Variants in SERPINB7 observed in about 807,000 individuals in gnomAD.
The protein encoded by SERPINB7 is serpin B7.
In SERPINB7, 31 loss-of-function variants were observed where a neutral mutation model predicts 37.4. The observed-to-expected ratio is 0.83, with a 90% CI of 0.62 to 1.12. The LOEUF (loss-of-function observed/expected upper bound fraction) is 1.12, where lower values mean the gene tolerates loss of function less well. Among genes scored for constraint, SERPINB7 ranks in the 50% most tolerant of loss-of-function variants. SERPINB7 has a pLI of 0.00. For missense variants in SERPINB7, 521 were observed against 455.3 expected (o/e 1.14, Z -1.31); for synonymous variants, 163 against 166.1 (o/e 0.98, Z 0.14).
upstream of SERPINB7, among the ~76,000 whole-genome samples, chr18:63,772,420 C>T (rs1033159236): frequency 1.4e-4 from 22 of 151,962 alleles, no homozygotes; most frequent in African/African-American, 5.1e-4. Context: ...AAAATAGAGG[C>T]TTGTAGGAAA....
intron 1 of SERPINB7, among the ~76,000 whole-genome samples, chr18:63,757,223 C>A (rs2049127472): frequency 6.6e-6 from 1 of 152,118 alleles, no homozygotes; most frequent in Admixed American, 6.6e-5. Flanking sequence ...AAATTTAGCT[C>A]AGGTTTTCTG....
At position 63,800,900 on chromosome 18, in the gene SERPINB7, A is replaced by G; in HGVS notation, c.632A>G (p.Glu211Gly). Residue 211 changes from glutamate (E) to glycine (G), a missense_variant, in exon 7 of 8, where the codon GAA (glutamate) becomes GGA (glycine). By Grantham distance (98) the Glu-to-Gly change is moderately conservative. Transcript: ENST00000398019. ...SGKAVAMMHQ[E>G]RKFNLSVIED... Reference sequence around the variant, plus strand: ...AAGGCAGTCGCCATGATGCATCAGGAACGGAAGTTCAATTTGTCTGTTATT... The same window carrying G: ...AAGGCAGTCGCCATGATGCATCAGGGACGGAAGTTCAATTTGTCTGTTATT... 6.2e-7 allele frequency: 1 copy of G among 1,613,978 alleles called. No homozygotes were observed. Among genetic ancestry groups the G allele is most frequent in the East Asian group, 2.2e-5 (1 of 44,866 alleles).
At chr18:63,796,435 A>C (rs2049489914) in intron 5 of SERPINB7, 52 bp downstream of exon 5, 1 of 1,001,840 alleles carries the variant, frequency 1.0e-6, no homozygotes, top group Admixed American at 1.8e-5. Flanking sequence ...TTATATGTGA[A>C]TACTGGGAAC....
At chr18:63,778,758 G>C (rs2049274394) in intron 1 of SERPINB7, among the ~76,000 whole-genome samples, 1 of 151,944 alleles carries the variant, frequency 6.6e-6, no homozygotes, top group African/African-American at 2.4e-5. Context: ...AGGATGAAAG[G>C]GATAAAAAAG....
At chr18:63,768,958 G>A (rs527326472) in intron 1 of SERPINB7, among the ~76,000 whole-genome samples, 185 of 152,162 alleles carry the variant, frequency 1.2e-3, no homozygotes, top group African/African-American at 4.2e-3. Flanking sequence ...TCCATTGTTT[G>A]GCTATACCAC....
chr18:63,793,211 C>T lies in SERPINB7; in HGVS notation c.270C>T (p.Ser90=). The change falls in exon 4 of 8, where the codon TCC becomes TCT. Residue 90 remains serine (S), a synonymous_variant. Transcript: ENST00000398019. ...GAGTTTTTTCTGATATAAATGCATC[C>T]CACAAGGATTATGATCTCAGCATTG... The part of the protein sequence containing the change: ...LKRVFSDINA[S]HKDYDLSIVN... The T allele has an allele frequency of 6.2e-7, 1 of 1,607,288 alleles. No individual in the cohort carries two copies. The highest frequency in any genetic ancestry group is 8.5e-7 in the Non-Finnish European group (1 of 1,176,050).
chr18:63,770,873 G>GCA (rs10634962), upstream of SERPINB7, among the ~76,000 whole-genome samples: 46,989 of 148,764 alleles, frequency 0.32, 7,864 homozygotes, highest in East Asian at 0.48. Flanking sequence ...GTCTGCACAT[G>GCA]CACACACACA....
Position 63,804,575 on chromosome 18 carries a change from C to G in SERPINB7, c.1083C>G (p.Phe361Leu). ...QSTLFRADHP[F>L]LFVIRKDDII... Reference sequence around the variant, plus strand: ...CGCTGTTTAGAGCTGACCACCCATTCCTATTTGTTATCAGGAAGGATGACA... The same window carrying G: ...CGCTGTTTAGAGCTGACCACCCATTGCTATTTGTTATCAGGAAGGATGACA... The change falls in exon 8 of 8, where the codon TTC becomes TTG. Residue 361 changes from phenylalanine to leucine, a missense_variant. Coordinates refer to ENST00000398019, the MANE Select transcript of SERPINB7 (RefSeq NM_003784.4). 8 of 1,613,228 alleles carry G rather than the reference C, an allele frequency of 5.0e-6. No individual in the cohort carries two copies. Among genetic ancestry groups the G allele is most frequent in the Non-Finnish European group, 6.8e-6 (8 of 1,179,644 alleles).
At chr18:63,769,961 G>C (rs1419244134) in intron 1 of SERPINB7, among the ~76,000 whole-genome samples, 1 of 150,790 alleles carries the variant, frequency 6.6e-6, no homozygotes, top group Non-Finnish European at 1.5e-5. Flanking sequence ...CTCACGACTT[G>C]GTGCACACAG....
upstream of SERPINB7, among the ~76,000 whole-genome samples, chr18:63,773,775 T>A (rs957994181): frequency 2.0e-5 from 3 of 152,176 alleles, no homozygotes; most frequent in African/African-American, 7.2e-5. Context: ...CTCATACTTA[T>A]GTCACTTTGG....
At chr18:63,790,839 C>T (rs796826325) in intron 2 of SERPINB7, among the ~76,000 whole-genome samples, 10 of 152,196 alleles carry the variant, frequency 6.6e-5, no homozygotes, top group African/African-American at 2.2e-4. Flanking sequence ...CGCATGCACA[C>T]GTATGTTTAT....
At chr18:63,794,378 A>G (rs1271557443) in intron 4 of SERPINB7, among the ~76,000 whole-genome samples, 1 of 151,696 alleles carries the variant, frequency 6.6e-6, no homozygotes, top group Non-Finnish European at 1.5e-5. Flanking sequence ...GCATGTTTCA[A>G]CCTTCCTAGG....
intron 7 of SERPINB7, among the ~76,000 whole-genome samples, chr18:63,803,042 G>A (rs2144649290): frequency 6.6e-6 from 1 of 152,152 alleles, no homozygotes; most frequent in East Asian, 1.9e-4. Flanking sequence ...ATCTGCAACA[G>A]AAAAAGTAGC....
intron 1 of SERPINB7, among the ~76,000 whole-genome samples, chr18:63,765,349 T>C (rs1165252531): frequency 6.6e-6 from 1 of 152,198 alleles, no homozygotes; most frequent in African/African-American, 2.4e-5. Context: ...ATTTTCTCCA[T>C]CTCTGATGGC....
chr18:63,776,759 G>C (rs1701647), intron 1 of SERPINB7, among the ~76,000 whole-genome samples: 81,619 of 150,950 alleles, frequency 0.54, 22,572 homozygotes, highest in East Asian at 0.67. Flanking sequence ...ATCCACAGTT[G>C]ATCTATAAAG....
intron 1 of SERPINB7, among the ~76,000 whole-genome samples, chr18:63,779,092 G>A (rs890180913): frequency 2.0e-5 from 3 of 152,098 alleles, no homozygotes; most frequent in Non-Finnish European, 2.9e-5. Flanking sequence ...TCTTCTTTAG[G>A]TAGCTTTAAT....
intron 2 of SERPINB7, among the ~76,000 whole-genome samples, chr18:63,791,421 T>C (rs2049425887): frequency 6.6e-6 from 1 of 152,170 alleles, no homozygotes; most frequent in African/African-American, 2.4e-5. Context: ...GAAATGTTGA[T>C]AGGTTCCATG....
At chr18:63,772,814 AG>A (rs2049218827), upstream of SERPINB7, among the ~76,000 whole-genome samples, 1 of 152,170 alleles carries the variant, frequency 6.6e-6, no homozygotes. Context: ...GAAATGATGT[AG>A]CACAAATAAG....
upstream of SERPINB7, among the ~76,000 whole-genome samples, chr18:63,771,012 A>G (rs922455653): frequency 2.0e-5 from 3 of 151,342 alleles, no homozygotes; most frequent in African/African-American, 7.3e-5. Context: ...CTGAACTTCC[A>G]AAAGATGTGC....
Sources: allele counts gnomAD v4.1 joint callset (sites outside exome capture counted in the v4.1 genomes callset), GRCh38; gene constraint gnomAD v4.1.1; transcripts MANE v1.5; gene names NCBI Gene and HGNC (gene_info 2026-07-23, HGNC 2026-07-21).